MRTFA: variants seen among roughly 807,000 people sequenced by gnomAD.
The protein encoded by MRTFA is myocardin-related transcription factor A.
MRTFA carries 20 observed loss-of-function variants against 83.5 expected under a neutral mutation model. The ratio of observed to expected loss-of-function variants is 0.24; its 90% CI spans 0.17 to 0.35. The LOEUF (loss-of-function observed/expected upper bound fraction) is 0.35, where lower values mean the gene tolerates loss of function less well. Ranked by LOEUF, MRTFA falls within the 10% of genes least tolerant of loss-of-function variation. The probability of loss-of-function intolerance (pLI) is 1.00; values close to 1 mark genes in which losing one functional copy is unlikely to be tolerated. For synonymous variants in MRTFA, 659 were observed against 541.2 expected, an observed-to-expected ratio of 1.22 and a Z score of -3.02; for missense variants, 1,200 against 1,224.7, an observed-to-expected ratio of 0.98 and a Z score of 0.30.
intron 2 of MRTFA, among the ~76,000 whole-genome samples, chr22:40,565,185 T>C (rs996779986): frequency 6.6e-6 from 1 of 152,224 alleles, no homozygotes; most frequent in Non-Finnish European, 1.5e-5. Context: ...GTGTTAGGTA[T>C]ACATGTGAAC....
At chr22:40,634,749 G>T (rs1018058340) in intron 1 of MRTFA, among the ~76,000 whole-genome samples, 6 of 152,284 alleles carry the variant, frequency 3.9e-5, no homozygotes, top group African/African-American at 1.4e-4. Flanking sequence ...AATTACTAAC[G>T]GGTGACCCAA....
At chr22:40,526,962 G>A (rs1232741643) in intron 3 of MRTFA, among the ~76,000 whole-genome samples, 2 of 151,850 alleles carry the variant, frequency 1.3e-5, no homozygotes, top group Non-Finnish European at 2.9e-5. Flanking sequence ...TATTGGGGCA[G>A]GGGAGGAGAA....
At chr22:40,414,165 C>A (rs573164571) in intron 14 of MRTFA, among the ~76,000 whole-genome samples, 4 of 152,064 alleles carry the variant, frequency 2.6e-5, no homozygotes, top group Non-Finnish European at 5.9e-5. Flanking sequence ...ACAGTGAAAC[C>A]CCGTCTCTAC....
intron 3 of MRTFA, among the ~76,000 whole-genome samples, chr22:40,546,099 C>G (rs968460553): frequency 1.3e-5 from 2 of 152,216 alleles, no homozygotes; most frequent in African/African-American, 4.8e-5. Context: ...ACTCCACTCT[C>G]TCAACACACG....
chr22:40,429,902 G>C (rs977660550), intron 6 of MRTFA, 135 bp from the exon 7 acceptor site: 2 of 912,200 alleles, frequency 2.2e-6, no homozygotes, highest in African/African-American at 3.3e-5. Flanking sequence ...TCCAAGCAGA[G>C]AAGAGTGGCC....
rs1314182282 is a variant in MRTFA at position 40,411,824 on chromosome 22, C to G, written c.2662G>C (p.Ala888Pro). Residue 888 changes from alanine to proline, a missense_variant, in exon 15 of 15, where the codon GCA (alanine) becomes CCA (proline). This residue lies in a region of MRTFA where 1,107 missense variants were observed against 1,041.8 expected (regional missense o/e 1.06). Transcript: ENST00000355630. ...TCAGCAGAAGGTGATGGCTGTGCTG[C>G]CAGGGGGGACCCACAGACTGTCTTC... 3 of 1,512,982 alleles carry G rather than the reference C, an allele frequency of 2.0e-6. No homozygotes were observed. The allele number at this position is 1,512,982 out of a possible 1,614,324, so 93.7% of individuals were successfully genotyped here. A position where few individuals can be genotyped will look rare whatever the true frequency, so the allele number is the denominator to read the frequency against.
chr22:40,575,547 C>T (rs1355844710), intron 2 of MRTFA, among the ~76,000 whole-genome samples: 2 of 152,214 alleles, frequency 1.3e-5, no homozygotes, highest in Non-Finnish European at 2.9e-5. Flanking sequence ...AAAAGACACA[C>T]TGTTCCACAT....
intron 4 of MRTFA, among the ~76,000 whole-genome samples, chr22:40,454,331 G>C (rs1052366286): frequency 6.6e-6 from 1 of 152,140 alleles, no homozygotes; most frequent in African/African-American, 2.4e-5. Flanking sequence ...GTCCAGGCTG[G>C]TCTCAAACTC....
At chr22:40,546,022 C>T (rs1360265671) in intron 3 of MRTFA, among the ~76,000 whole-genome samples, 2 of 152,252 alleles carry the variant, frequency 1.3e-5, no homozygotes, top group Admixed American at 6.5e-5. Context: ...CCGCCGTACC[C>T]GGCCACCACT....
intron 1 of MRTFA, among the ~76,000 whole-genome samples, chr22:40,598,779 G>C (rs1183298064): frequency 6.6e-6 from 1 of 151,364 alleles, no homozygotes; most frequent in Non-Finnish European, 1.5e-5. Flanking sequence ...AATTACCTGA[G>C]GTCAGGAGTT....
intron 2 of MRTFA, chr22:40,587,848 G>A (rs1398639619): frequency 5.0e-6 from 2 of 396,400 alleles, no homozygotes; most frequent in East Asian, 5.5e-5. Context: ...TAACAAGATA[G>A]GGCTGTCTGT....
rs2052887548 is a variant in MRTFA, at chr22:40,423,529, A to C, written c.927+7T>G. The C allele has an allele frequency of 6.7e-7, 1 of 1,483,932 alleles. No homozygotes were observed. The highest frequency in any genetic ancestry group is 9.0e-7 in the Non-Finnish European group (1 of 1,108,650). The allele number at this position is 1,483,932 out of a possible 1,614,324, so 91.9% of individuals were successfully genotyped here. On this transcript the variant is annotated splice_region_variant and intron_variant, in intron 9 of 14. Coordinates refer to ENST00000355630, the MANE Select transcript of MRTFA (RefSeq NM_020831.6). Reference sequence around the variant, plus strand: ...AGGGGAGGGTACAATCACTGGCAGAAATGTACCTTAATGAGTGTGGGGGTG... The same window carrying C: ...AGGGGAGGGTACAATCACTGGCAGACATGTACCTTAATGAGTGTGGGGGTG...
chr22:40,535,398 G>A (rs1418729577), intron 3 of MRTFA, among the ~76,000 whole-genome samples: 1 of 117,014 alleles, frequency 8.5e-6, no homozygotes, highest in African/African-American at 3.3e-5. Flanking sequence ...CTGTCCCCCA[G>A]ACTGAGTACA....
chr22:40,593,524 A>T (rs2056149738), intron 2 of MRTFA, among the ~76,000 whole-genome samples: 1 of 152,222 alleles, frequency 6.6e-6, no homozygotes, highest in Non-Finnish European at 1.5e-5. Context: ...AAGATAATTT[A>T]CTGACCACAC....
chr22:40,487,025 C>T (rs2147194671), intron 3 of MRTFA, among the ~76,000 whole-genome samples: 1 of 152,284 alleles, frequency 6.6e-6, no homozygotes, highest in Non-Finnish European at 1.5e-5. Flanking sequence ...AATAAATTCA[C>T]TACACAAGAG....
intron 2 of MRTFA, among the ~76,000 whole-genome samples, chr22:40,586,498 T>G (rs1216398124): frequency 6.6e-6 from 1 of 152,188 alleles, no homozygotes; most frequent in Admixed American, 6.5e-5. Flanking sequence ...CTCAGAATCT[T>G]CAGGAAAATA....
intron 3 of MRTFA, among the ~76,000 whole-genome samples, chr22:40,470,257 A>ATATATATATATATATATATATATATT (rs2053881873): frequency 1.8e-5 from 2 of 111,722 alleles, no homozygotes; most frequent in African/African-American, 8.2e-5. Context: ...ATATATATAT[A>ATATATATATATATATATATATATATT]TATATATATA....
chr22:40,611,031 G>A (rs1421936968), intron 1 of MRTFA, among the ~76,000 whole-genome samples: 2 of 148,582 alleles, frequency 1.3e-5, no homozygotes, highest in African/African-American at 5.0e-5. Flanking sequence ...TCCATGTCCC[G>A]GGCTCAAGTG....
rs200843736 is a variant in MRTFA, at chr22:40,558,086, C to CT, written c.-21-5720dup. ...CTCACCGAGTCCAGCCTTTTTCTTT[C>CT]TTTCTTTTTTTTTTTAAGGGACAGG... On this transcript the variant is annotated intron_variant, in intron 2 of 14. Transcript: ENST00000355630. Among the ~76,000 whole-genome samples the CT allele has an allele frequency of 3.5e-4, 53 of 149,556 alleles. 1 individual carries two copies. In the East Asian group the frequency reaches 7.6e-3, roughly 21 times the overall value.
Sources: gnomAD v4.1 joint callset for allele counts (sites outside exome capture counted in the v4.1 genomes callset) on GRCh38, gnomAD v4.1.1 for gene constraint, gnomAD v4.1.1 regional missense constraint, MANE v1.5 for transcripts, NCBI Gene and HGNC (gene_info 2026-07-23, HGNC 2026-07-21) for gene names.